Variants in ANGEL1 observed in about 807,000 individuals in gnomAD.
ANGEL1 encodes the protein RNA 2',3'-cyclic phosphatase ANGEL1.
In ANGEL1, 62 loss-of-function variants were observed where a neutral mutation model predicts 76.4. That is an observed-to-expected ratio of 0.81 (90% CI 0.66 to 1.00). The LOEUF is 1.00. Among genes scored for constraint, ANGEL1 ranks in the 50% least tolerant of loss-of-function variants. The pLI is 0.00. For synonymous variants in ANGEL1, 340 were observed against 331.7 expected, an observed-to-expected ratio of 1.03 and a Z score of -0.27; for missense variants, 737 against 836.7, an observed-to-expected ratio of 0.88 and a Z score of 1.47.
intron 9 of ANGEL1, 47 bp downstream of exon 9, chr14:76,790,564 T>G (rs377397763): frequency 5.6e-5 from 88 of 1,569,482 alleles, no homozygotes; most frequent in Admixed American, 1.3e-4. Flanking sequence ...CCATTAGCTG[T>G]TCCCAGGGAC....
At chr14:76,806,307 G>A in intron 5 of ANGEL1, 109 bp downstream of exon 5, 1 of 1,168,128 alleles carries the variant, frequency 8.6e-7, no homozygotes, top group Non-Finnish European at 1.2e-6. Context: ...AGGAGGAGCA[G>A]GCCAGAGCAG....
At position 76,807,968 on chromosome 14, in the gene ANGEL1, T is replaced by C. The variant is rs201333020; in HGVS notation, c.830A>G (p.Tyr277Cys). 3.1e-6 allele frequency: 5 copies of C among 1,614,182 alleles called. 1 individual carries two copies. The East Asian group carries it at 1.1e-4, about 36-fold the overall frequency. Residue 277 changes from tyrosine to cysteine, a missense_variant, in exon 3 of 10, where the codon TAT becomes TGT. Transcript: ENST00000251089. ...TTCCTGCATGAGGTTCACGAAGCGA[T>C]AGTTCCAATTGAGGATGTCTGGATG... is the stretch of plus-strand genomic sequence containing the variant. The part of the protein sequence containing the change: ...HCHPDILNWN[Y>C]RFVNLMQEFQ...
At position 76,789,152 on chromosome 14, in the gene ANGEL1, A is replaced by G; in HGVS notation, c.*76T>C. 2 of 1,548,938 alleles carry G rather than the reference A, an allele frequency of 1.3e-6. No homozygotes were observed. The highest frequency in any genetic ancestry group is 1.8e-6 in the Non-Finnish European group (2 of 1,141,746). On this transcript the variant is annotated 3_prime_UTR_variant, in exon 10 of 10. Transcript: ENST00000251089. ...AAGTTTCTTGGATCTAAGTTTCTAG[A>G]TGCATGGGATTTTTCCACAGTCTCT...
rs1894267999 is a variant in ANGEL1, at chr14:76,786,573, C to T, written c.*2655G>A. 6.6e-6 allele frequency: 1 copy of T among 152,190 alleles called. No homozygotes were observed. Among genetic ancestry groups the T allele is most frequent in the Non-Finnish European group, 1.5e-5 (1 of 68,056 alleles). 9.4% of individuals were successfully genotyped at this position (152,190 alleles called of 1,614,324 possible). The stretch of plus-strand genomic sequence containing the variant: ...GATTCTCAGAGACTGATTCAGAGGC[C>T]TGGTGTGGGTTCTGGGAACCTGTTC... On this transcript the variant is annotated 3_prime_UTR_variant, in exon 10 of 10. Coordinates refer to ENST00000251089, the MANE Select transcript of ANGEL1 (RefSeq NM_015305.4).
intron 8 of ANGEL1, 121 bp downstream of exon 8, chr14:76,791,176 G>A: frequency 1.8e-6 from 2 of 1,083,628 alleles, no homozygotes; most frequent in Admixed American, 3.9e-5. Context: ...CAGATATTAG[G>A]GGAAAAAGAG....
chr14:76,789,728 T>G (rs1894343123), intron 9 of ANGEL1, among the ~76,000 whole-genome samples: 1 of 151,574 alleles, frequency 6.6e-6, no homozygotes, highest in Admixed American at 6.6e-5. Flanking sequence ...GGAGTCTTAC[T>G]TCGTTGTCCA....
rs1480880322 is a variant in ANGEL1 at position 76,806,502 on chromosome 14, C to T, written c.1294G>A (p.Gly432Arg). The change falls in exon 5 of 10, where the codon GGG (glycine) becomes AGG (arginine). Residue 432 changes from glycine to arginine, a missense_variant. Physicochemically the swap from Gly to Arg is moderately radical, Grantham distance 125. This residue lies in a region of ANGEL1 where 296 missense variants were observed against 387.2 expected (regional missense o/e 0.76). Coordinates refer to ENST00000251089, the MANE Select transcript of ANGEL1 (RefSeq NM_015305.4). ...GAATCAGGGACAGAATTTAGGTCCC[C>T]GCACAAGATGATGGGGCAGTGGCTG... is the stretch of plus-strand genomic sequence containing the variant. ...DGSHCPIILC[G>R]DLNSVPDSPL... 39 of 1,614,152 alleles carry T rather than the reference C, an allele frequency of 2.4e-5. No individual in the cohort carries two copies. The highest frequency in any genetic ancestry group is 3.1e-5 in the Non-Finnish European group (36 of 1,180,030).
chr14:76,807,474 T>TCTTCCTGGA lies in ANGEL1; in HGVS notation c.896_904dup (p.Val299_Glu301dup), dbSNP rs778663229. On this transcript the variant is annotated inframe_insertion, in exon 4 of 10. Transcript: ENST00000251089. ...GGGTTCCAGCTGCTCCCAGTAATGA[T>TCTTCCTGGA]CTTCCTGGACTTCCTGGAGACACAG... The TCTTCCTGGA allele has an allele frequency of 2.2e-5, 36 of 1,613,470 alleles. No individual in the cohort carries two copies. Among genetic ancestry groups the TCTTCCTGGA allele is most frequent in the Non-Finnish European group, 3.0e-5 (35 of 1,179,876 alleles).
rs1178360714 is a variant in ANGEL1, at chr14:76,806,758, A to G, written c.1038T>C (p.Ala346=). The change falls in exon 5 of 10, where the codon GCT becomes GCC. Residue 346 remains alanine (A), a synonymous_variant. Coordinates refer to ENST00000251089, the MANE Select transcript of ANGEL1 (RefSeq NM_015305.4). ...YKPTRFRLLC[A]SPVEYFRPGL... ...CAGGCCGGAAGTACTCCACAGGGCT[A>G]GCACAGAGCAGGCGGAATCTGGTAG... 1.2e-6 allele frequency: 2 copies of G among 1,614,222 alleles called. No individual in the cohort carries two copies. The highest frequency in any genetic ancestry group is 2.2e-5 in the South Asian group (2 of 91,088).
rs547729437 is a variant in ANGEL1, at chr14:76,787,229, T to C, written c.*1999A>G. On this transcript the variant is annotated 3_prime_UTR_variant, in exon 10 of 10. Coordinates refer to ENST00000251089, the MANE Select transcript of ANGEL1 (RefSeq NM_015305.4). ...GGACCTAATCCCTTCAGGATCCTAATAAAATGAACAACATTGGGGGGAAAA... is the reference window on the plus strand; with the variant it reads ...GGACCTAATCCCTTCAGGATCCTAACAAAATGAACAACATTGGGGGGAAAA... 101 of 152,264 alleles carry C rather than the reference T, an allele frequency of 6.6e-4. No homozygotes were observed. Among genetic ancestry groups the C allele is most frequent in the Middle Eastern group, 3.4e-3 (1 of 294 alleles). 9.4% of individuals were successfully genotyped at this position (152,264 alleles called of 1,614,324 possible). A position where few individuals can be genotyped will look rare whatever the true frequency, so the allele number is the denominator to read the frequency against.
Position 76,809,449 on chromosome 14 carries a change from C to T in ANGEL1, c.259G>A (p.Ala87Thr), listed in dbSNP as rs769296198. ...ATCAGAAGTGCCAGGCTGCTCTGGG[C>T]TAGTCCTTTATCTATAAGGGGCCCC... is the stretch of plus-strand genomic sequence containing the variant. ...SEGPLIDKGL[A>T]QSSLALLMDN... Residue 87 changes from alanine to threonine, a missense_variant, in exon 2 of 10, where the codon GCC (alanine) becomes ACC (threonine). This residue lies in a region of ANGEL1 where 441 missense variants were observed against 449.5 expected (regional missense o/e 0.98). Transcript: ENST00000251089. 3.1e-6 allele frequency: 5 copies of T among 1,614,100 alleles called. No homozygotes were observed. Among genetic ancestry groups the T allele is most frequent in the Non-Finnish European group, 4.2e-6 (5 of 1,180,046 alleles).
In ANGEL1 at chr14:76,788,961, G is replaced by A; in HGVS notation, c.*267C>T. On this transcript the variant is annotated 3_prime_UTR_variant, in exon 10 of 10. Coordinates refer to ENST00000251089, the MANE Select transcript of ANGEL1 (RefSeq NM_015305.4). Reference sequence around the variant, plus strand: ...AAGGGGGAGCGCTGGATACATGGAAGGAAGGGGGAGCCCCCCTTCTGCCTC... The same window carrying A: ...AAGGGGGAGCGCTGGATACATGGAAAGAAGGGGGAGCCCCCCTTCTGCCTC... 2 of 419,460 alleles carry A rather than the reference G, an allele frequency of 4.8e-6. No homozygotes were observed. Among genetic ancestry groups the A allele is most frequent in the Non-Finnish European group, 8.5e-6 (2 of 233,966 alleles). The allele number at this position is 419,460 out of a possible 1,614,324, so 26.0% of individuals were successfully genotyped here.
At chr14:76,808,214 C>A in intron 2 of ANGEL1, 66 bp from the exon 3 acceptor site, 1 of 1,361,876 alleles carries the variant, frequency 7.3e-7, no homozygotes. Flanking sequence ...GCCATCTCCA[C>A]TCCTGACTCA....
intron 5 of ANGEL1, 21 bp downstream of exon 5, chr14:76,806,395 C>T (rs778039215): frequency 1.2e-6 from 2 of 1,600,456 alleles, no homozygotes; most frequent in Non-Finnish European, 1.7e-6. Flanking sequence ...CCCACCCACA[C>T]CGTGGCCTCT....
chr14:76,794,983 A>G (rs762825820), intron 7 of ANGEL1, among the ~76,000 whole-genome samples: 11 of 152,234 alleles, frequency 7.2e-5, no homozygotes, highest in Middle Eastern at 3.4e-3. Context: ...CTATTTTGCT[A>G]TATTTCTATT....
At chr14:76,808,998 G>T in intron 2 of ANGEL1, 61 bp downstream of exon 2, 2 of 1,476,744 alleles carry the variant, frequency 1.4e-6, no homozygotes, top group Non-Finnish European at 1.8e-6. Flanking sequence ...TTTAGCAATG[G>T]CTCTGCCCAC....
chr14:76,789,539 G>C (rs1894335809), intron 9 of ANGEL1, 151 bp from the exon 10 acceptor site: 2 of 807,140 alleles, frequency 2.5e-6, no homozygotes, highest in Admixed American at 5.7e-5. Flanking sequence ...ATCTGGCTGA[G>C]GAGGCCCCAT....
chr14:76,792,805 C>G (rs542089902), intron 7 of ANGEL1, among the ~76,000 whole-genome samples: 15 of 152,274 alleles, frequency 9.9e-5, no homozygotes, highest in African/African-American at 3.6e-4. Flanking sequence ...TGGTGAAAGA[C>G]TGAACGCTTT....
In ANGEL1 at chr14:76,809,150, T is replaced by C; in HGVS notation, c.558A>G (p.Ala186=). 6.2e-7 allele frequency: 1 copy of C among 1,614,096 alleles called. No homozygotes were observed. Reference sequence around the variant, plus strand: ...CCTCTTCCTGGGGCACAGGCTCAGGTGCTATGCTCCAGGCCAACACCGCTG... The same window carrying C: ...CCTCTTCCTGGGGCACAGGCTCAGGCGCTATGCTCCAGGCCAACACCGCTG... ...EDPAVLAWSI[A]PEPVPQEEAS... is the part of the protein sequence containing the mutation. Residue 186 remains alanine, a synonymous_variant, in exon 2 of 10, where the codon GCA becomes GCG. Transcript: ENST00000251089.
Sources: allele counts gnomAD v4.1 joint callset (sites outside exome capture counted in the v4.1 genomes callset), GRCh38; gene constraint gnomAD v4.1.1; regional missense constraint gnomAD v4.1.1; transcripts MANE v1.5; gene names NCBI Gene and HGNC (gene_info 2026-07-23, HGNC 2026-07-21).